Variants in FCRL3 observed in about 807,000 individuals in gnomAD.
FCRL3 encodes the protein Fc receptor like 3, also known as Fc receptor-like protein 3.
In FCRL3, 89 loss-of-function variants were observed where a neutral mutation model predicts 75.0. The observed-to-expected ratio is 1.19, with a 90% CI of 1.00 to 1.42. The LOEUF (loss-of-function observed/expected upper bound fraction) is 1.42, where lower values mean the gene tolerates loss of function less well. Among genes scored for constraint, FCRL3 ranks in the 40% most tolerant of loss-of-function variants. The pLI is 0.00. For synonymous variants in FCRL3, 376 were observed against 348.5 expected (o/e 1.08, Z -0.88); for missense variants, 946 against 880.0 (o/e 1.07, Z -0.95).
Position 157,695,376 on chromosome 1 carries a change from T to C in FCRL3, c.1364A>G (p.Asn455Ser). 1 of 1,614,242 alleles carries C rather than the reference T, an allele frequency of 6.2e-7. No homozygotes were observed. The highest frequency in any genetic ancestry group is 2.2e-5 in the East Asian group (1 of 44,892). Reference protein sequence around the residue: ...HSGNYSCDADNGLGAQHSHGV... With the variant: ...HSGNYSCDADSGLGAQHSHGV... Reference sequence around the variant, plus strand: ...ATGACTGTGCTGGGCCCCCAGGCCATTGTCTGCATCACAGGAGTAGTTTCC... The same window carrying C: ...ATGACTGTGCTGGGCCCCCAGGCCACTGTCTGCATCACAGGAGTAGTTTCC... Residue 455 changes from asparagine (N) to serine (S), a missense_variant, in exon 8 of 15, where the codon AAT becomes AGT. Asn to Ser is a conservative substitution (Grantham distance 46). Transcript: ENST00000368184.
Position 157,697,760 on chromosome 1 carries a change from G to A in FCRL3, c.458C>T (p.Ser153Leu), listed in dbSNP as rs749457655. ...ATATTTGCTATTATCCCTGGAGACT[G>A]AATTCACTGTGATCTTCTCTAAATT... ...SYNLEKITVN[S>L]VSRDNSKYHC... Residue 153 changes from serine (S) to leucine (L), a missense_variant, in exon 5 of 15, where the codon TCA becomes TTA. By Grantham distance (145) the Ser-to-Leu change is moderately radical. Coordinates refer to ENST00000368184, the MANE Select transcript of FCRL3 (RefSeq NM_052939.4). 6.2e-7 allele frequency: 1 copy of A among 1,614,074 alleles called. No individual in the cohort carries two copies. The highest frequency in any genetic ancestry group is 8.5e-7 in the Non-Finnish European group (1 of 1,179,982).
rs1655432273 is a variant in FCRL3 at position 157,690,283 on chromosome 1, G to A, written c.1662C>T (p.His554=). The A allele has an allele frequency of 6.2e-7, 1 of 1,614,102 alleles. No individual in the cohort carries two copies. Among genetic ancestry groups the A allele is most frequent in the African/African-American group, 1.3e-5 (1 of 74,930 alleles). The change falls in exon 9 of 15, where the codon CAC becomes CAT. Residue 554 remains histidine (H), a synonymous_variant. Coordinates refer to ENST00000368184, the MANE Select transcript of FCRL3 (RefSeq NM_052939.4). The part of the protein sequence containing the change: ...CEADNGLGAQ[H]SKVVTLNVTG... ...TAACATTGAGTGTCACCACTTTACTGTGCTGGGCCCCCAGGCCATTGTCAG... is the reference window on the plus strand; with the variant it reads ...TAACATTGAGTGTCACCACTTTACTATGCTGGGCCCCCAGGCCATTGTCAG...
rs929914899 is a variant in FCRL3, at chr1:157,700,728, C to G, written c.-163G>C. The G allele has an allele frequency of 1.3e-5, 18 of 1,407,854 alleles. No homozygotes were observed. Among genetic ancestry groups the G allele is most frequent in the Non-Finnish European group, 1.7e-5 (18 of 1,079,680 alleles). The allele number at this position is 1,407,854 out of a possible 1,614,324, so 87.2% of individuals were successfully genotyped here. ...ATTTTTAGAAGTTGGGGCTCATCTT[C>G]CATCAGCTGCAGTCTCTCAGGAGTA... On this transcript the variant is annotated 5_prime_UTR_variant, in exon 1 of 15. Coordinates refer to ENST00000368184, the MANE Select transcript of FCRL3 (RefSeq NM_052939.4).
chr1:157,697,233 A>C lies in FCRL3; in HGVS notation c.751T>G (p.Trp251Gly). 6.2e-7 allele frequency: 1 copy of C among 1,605,976 alleles called. No homozygotes were observed. ...RSPRLQIPAMWTEDSGSYWCE... is the reference protein window; with the variant it reads ...RSPRLQIPAMGTEDSGSYWCE... ...CAGTAAGACCCTGAGTCTTCAGTCC[A>C]CATGGCAGGGATCTGGAGTCTGGGG... The change falls in exon 6 of 15, where the codon TGG (tryptophan) becomes GGG (glycine). Residue 251 changes from tryptophan to glycine, a missense_variant. Trp to Gly is a radical substitution (Grantham distance 184). Transcript: ENST00000368184.
intron 11 of FCRL3, among the ~76,000 whole-genome samples, chr1:157,681,953 T>C (rs1343884269): frequency 6.6e-6 from 1 of 151,934 alleles, no homozygotes; most frequent in Non-Finnish European, 1.5e-5. Context: ...TGTGAGATGG[T>C]ATCTCATTGT....
At chr1:157,680,454 G>A (rs182230379) in intron 13 of FCRL3, among the ~76,000 whole-genome samples, 1 of 152,364 alleles carries the variant, frequency 6.6e-6, no homozygotes, top group Admixed American at 6.5e-5. Flanking sequence ...AGTTTTCCAA[G>A]CATTGAGCTA....
At chr1:157,695,722 C>T in intron 7 of FCRL3, 115 bp from the exon 8 acceptor site, 2 of 1,210,338 alleles carry the variant, frequency 1.7e-6, no homozygotes, top group Non-Finnish European at 2.3e-6. Context: ...TCTGTTTCCC[C>T]ACTGATCACA....
chr1:157,698,786 G>A (rs1161969437), intron 3 of FCRL3, among the ~76,000 whole-genome samples, 157 bp from the exon 4 acceptor site: 1 of 152,182 alleles, frequency 6.6e-6, no homozygotes, highest in African/African-American at 2.4e-5. Flanking sequence ...GAAATGCCTG[G>A]GAAAGAATCT....
rs1231682927 is a variant in FCRL3 at position 157,678,747 on chromosome 1, T to C, written c.2168A>G (p.Glu723Gly). 1 of 1,614,090 alleles carries C rather than the reference T, an allele frequency of 6.2e-7. No individual in the cohort carries two copies. The highest frequency in any genetic ancestry group is 8.5e-7 in the Non-Finnish European group (1 of 1,180,002). ...GGCCAGTAATACACGTGGTACATTC[T>C]CATAGTTTTCTTCATCATCTTCTTC... ...AHEEDDEENY[E>G]NVPRVLLASD... is the part of the protein sequence containing the mutation. The change falls in exon 15 of 15, where the codon GAG becomes GGG. Residue 723 changes from glutamate to glycine, a missense_variant. Glu to Gly is a moderately conservative substitution (Grantham distance 98). Transcript: ENST00000368184.
intron 10 of FCRL3, among the ~76,000 whole-genome samples, chr1:157,685,065 A>G (rs974286800): frequency 3.9e-5 from 6 of 152,100 alleles, no homozygotes; most frequent in Admixed American, 3.9e-4. Context: ...TGGGGGACAG[A>G]CCACCTGGGC....
At chr1:157,698,917 G>A (rs1254350660) in intron 3 of FCRL3, among the ~76,000 whole-genome samples, 1 of 152,204 alleles carries the variant, frequency 6.6e-6, no homozygotes, top group Non-Finnish European at 1.5e-5. Flanking sequence ...CAAAAACTGC[G>A]AAGGCCTCAG....
At chr1:157,689,755 G>C (rs757541590) in intron 10 of FCRL3, 43 bp downstream of exon 10, 1 of 1,611,368 alleles carries the variant, frequency 6.2e-7, no homozygotes, top group Admixed American at 1.7e-5. Context: ...AATTATTATA[G>C]CAACGGCAAA....
At position 157,680,968 on chromosome 1, in the gene FCRL3, A is replaced by G; in HGVS notation, c.1957+13T>C. The stretch of plus-strand genomic sequence containing the variant: ...TCCTCCCTAGAGCCTTCTGCCCCCT[A>G]GGGAGTCCTCACCATTGCTGTACAT... On this transcript the variant is annotated intron_variant, in intron 12 of 14. Coordinates refer to ENST00000368184, the MANE Select transcript of FCRL3 (RefSeq NM_052939.4). 1 of 1,568,108 alleles carries G rather than the reference A, an allele frequency of 6.4e-7. No individual in the cohort carries two copies.
At chr1:157,694,651 C>T (rs180692476) in intron 8 of FCRL3, among the ~76,000 whole-genome samples, 2 of 152,222 alleles carry the variant, frequency 1.3e-5, no homozygotes, top group East Asian at 3.9e-4. Context: ...GGGCACATTG[C>T]TAATTGTTCT....
rs367883253 is a variant in FCRL3, at chr1:157,680,770, A to G, written c.1958T>C (p.Val653Ala). ...AATCGGGTTGCTATCTCCAGGATTT[A>G]CTGTGAGAGAAGATATCATAGTTGG... Reference protein sequence around the residue: ...PMELEPMYSNVNPGDSNPIYS... With the variant: ...PMELEPMYSNANPGDSNPIYS... The change falls in exon 13 of 15, where the codon GTA becomes GCA. Residue 653 changes from valine (V) to alanine (A), a missense_variant and splice_region_variant. By Grantham distance (64) the Val-to-Ala change is moderately conservative. Coordinates refer to ENST00000368184, the MANE Select transcript of FCRL3 (RefSeq NM_052939.4). 1.3e-5 allele frequency: 21 copies of G among 1,613,812 alleles called. No individual in the cohort carries two copies. The highest frequency in any genetic ancestry group is 1.8e-5 in the Non-Finnish European group (21 of 1,179,814).
chr1:157,693,492 A>G (rs748286348), intron 8 of FCRL3, among the ~76,000 whole-genome samples: 2 of 152,164 alleles, frequency 1.3e-5, no homozygotes, highest in Non-Finnish European at 2.9e-5. Context: ...TATTGGTAAG[A>G]TAAAGCTTTA....
At chr1:157,695,272 T>C in intron 8 of FCRL3, 57 bp downstream of exon 8, 1 of 1,542,500 alleles carries the variant, frequency 6.5e-7, no homozygotes, top group Admixed American at 1.8e-5. Context: ...GAGCTATTTC[T>C]GAGAAGACAT....
rs371736717 is a variant in FCRL3 at position 157,690,438 on chromosome 1, A to C, written c.1507T>G (p.Ser503Ala). 229 of 1,614,102 alleles carry C rather than the reference A, an allele frequency of 1.4e-4. No individual in the cohort carries two copies. Among genetic ancestry groups the C allele is most frequent in the Non-Finnish European group, 1.8e-4 (215 of 1,180,048 alleles). The change falls in exon 9 of 15, where the codon TCC becomes GCC. Residue 503 changes from serine (S) to alanine (A), a missense_variant. Ser to Ala is a moderately conservative substitution (Grantham distance 99). Transcript: ENST00000368184. ...TAAAACCAGTACAGGATCGGGAAGG[A>C]GCCTCTCAGGGACTCACAGTGAAGC... Reference protein sequence around the residue: ...LELHCESLRGSFPILYWFYHE... With the variant: ...LELHCESLRGAFPILYWFYHE...
intron 8 of FCRL3, 74 bp downstream of exon 8, chr1:157,695,255 C>T (rs1402955887): frequency 3.4e-6 from 5 of 1,477,712 alleles, no homozygotes; most frequent in African/African-American, 2.8e-5. Context: ...CAGCAAATAG[C>T]CCAGTGGAGC....
Sources: allele counts gnomAD v4.1 joint callset (sites outside exome capture counted in the v4.1 genomes callset), GRCh38; gene constraint gnomAD v4.1.1; transcripts MANE v1.5; gene names NCBI Gene and HGNC (gene_info 2026-07-23, HGNC 2026-07-21).